Variants in CTNNA1 observed in about 807,000 individuals in gnomAD.
CTNNA1 encodes catenin alpha 1.
Under a neutral mutation model 98.4 loss-of-function variants are expected in CTNNA1, and 37 were observed. That is an observed-to-expected ratio of 0.38 (90% CI 0.29 to 0.49). The LOEUF is 0.49. Among genes scored for constraint, CTNNA1 ranks in the 20% least tolerant of loss-of-function variants. The pLI is 0.95. For missense variants in CTNNA1, 761 were observed against 1,147.2 expected (o/e 0.66, Z 4.86); for synonymous variants, 404 against 413.2 (o/e 0.98, Z 0.27).
intron 9 of CTNNA1, among the ~76,000 whole-genome samples, chr5:138,893,771 G>A (rs1756052086): frequency 6.6e-6 from 1 of 150,804 alleles, no homozygotes; most frequent in South Asian, 2.1e-4. Context: ...TTACAGACAC[G>A]TGCCACCACG....
chr5:138,786,605 C>T (rs535391488), intron 3 of CTNNA1, among the ~76,000 whole-genome samples: 23 of 152,214 alleles, frequency 1.5e-4, no homozygotes, highest in African/African-American at 3.9e-4. Flanking sequence ...AAAATGGGGC[C>T]GTATCCACTC....
At chr5:138,818,066 G>A (rs1721620936) in intron 5 of CTNNA1, among the ~76,000 whole-genome samples, 1 of 151,484 alleles carries the variant, frequency 6.6e-6, no homozygotes, top group African/African-American at 2.4e-5. Flanking sequence ...GTGAGCCACT[G>A]CATCTGGGCC....
intron 7 of CTNNA1, among the ~76,000 whole-genome samples, chr5:138,829,586 C>T (rs1052440411): frequency 5.3e-5 from 8 of 152,156 alleles, no homozygotes; most frequent in South Asian, 4.1e-4. Context: ...CTTGAGGTTT[C>T]GAAACCTAGA....
rs753005486 is a variant in CTNNA1, at chr5:138,904,449, A to G, written c.1389+8A>G. On this transcript the variant is annotated splice_region_variant and intron_variant, in intron 10 of 17. Transcript: ENST00000302763. ...GAAGCCCTCTGTCCTCAGGTAAAGT[A>G]CAACTGACACTGGTGACAGCATAAC... is the stretch of plus-strand genomic sequence containing the variant. 3 of 1,611,998 alleles carry G rather than the reference A, an allele frequency of 1.9e-6. No homozygotes were observed. The highest frequency in any genetic ancestry group is 8.5e-7 in the Non-Finnish European group (1 of 1,179,100).
chr5:138,930,697 TTC>T, intron 15 of CTNNA1, 43 bp downstream of exon 15: 1 of 1,592,688 alleles, frequency 6.3e-7, no homozygotes. Context: ...AGGGGCTACT[TTC>T]TTCCCCACAG....
intron 7 of CTNNA1, among the ~76,000 whole-genome samples, chr5:138,864,256 C>CT (rs1312705071): frequency 6.6e-6 from 1 of 151,928 alleles, no homozygotes; most frequent in Non-Finnish European, 1.5e-5. Flanking sequence ...CTGGCCTTTT[C>CT]TTTTTTTTAG....
chr5:138,907,979 T>TTTC (rs2150163666), intron 10 of CTNNA1, among the ~76,000 whole-genome samples: 1 of 146,060 alleles, frequency 6.8e-6, no homozygotes, highest in African/African-American at 2.7e-5. Context: ...CTTTTTTTTT[T>TTTC]CTTCTTCTTC....
intron 7 of CTNNA1, among the ~76,000 whole-genome samples, chr5:138,846,232 G>A (rs982328020): frequency 2.0e-5 from 3 of 152,168 alleles, no homozygotes; most frequent in East Asian, 1.9e-4. Context: ...GATTACAGGC[G>A]CGAGCCACTG....
chr5:138,808,384 A>G (rs1019377280), intron 3 of CTNNA1, among the ~76,000 whole-genome samples: 10 of 152,208 alleles, frequency 6.6e-5, no homozygotes, highest in African/African-American at 2.4e-4. Flanking sequence ...AGAAGATACT[A>G]GCATTAATGT....
intron 7 of CTNNA1, among the ~76,000 whole-genome samples, chr5:138,843,248 G>A (rs977232753): frequency 6.6e-6 from 1 of 152,180 alleles, no homozygotes; most frequent in Admixed American, 6.5e-5. Flanking sequence ...TTAAAGTTTG[G>A]TAATGGTTAA....
chr5:138,872,170 A>G (rs1750727861), intron 7 of CTNNA1: 1 of 152,632 alleles, frequency 6.6e-6, no homozygotes, highest in African/African-American at 2.4e-5. Flanking sequence ...ATATTAATGT[A>G]AACATAGGAT....
In CTNNA1 at chr5:138,784,075, T is replaced by C. The variant is rs1191328595; in HGVS notation, c.301+703T>C. On this transcript the variant is annotated intron_variant, in intron 3 of 17. Transcript: ENST00000302763. ...AGATAAACTTCTTGAAACCTGCAGT[T>C]TTTATTTTTAGTAGAGATGGGGTTT... 3.9e-5 allele frequency among the ~76,000 whole-genome samples: 6 copies of C among 152,150 alleles called. No homozygotes were observed. The East Asian group carries it at 1.2e-3, about 29-fold the overall frequency.
intron 3 of CTNNA1, among the ~76,000 whole-genome samples, chr5:138,806,243 T>G (rs1758067863): frequency 6.6e-6 from 1 of 152,216 alleles, no homozygotes; most frequent in South Asian, 2.1e-4. Flanking sequence ...TGACCAGTTT[T>G]CTCTTACAAG....
intron 9 of CTNNA1, among the ~76,000 whole-genome samples, chr5:138,901,148 C>T (rs1757941372): frequency 6.6e-6 from 1 of 152,052 alleles, no homozygotes. Context: ...CGCTCCCCTC[C>T]CCTCCCCTCT....
chr5:138,765,965 AAAAAAAG>A (rs1752892766), intron 1 of CTNNA1, among the ~76,000 whole-genome samples: 1 of 151,402 alleles, frequency 6.6e-6, no homozygotes, highest in Admixed American at 6.6e-5. Flanking sequence ...AAAAAAAAAA[AAAAAAAG>A]GCAGTTTATA....
At chr5:138,897,458 G>A (rs1023901315) in intron 9 of CTNNA1, among the ~76,000 whole-genome samples, 2 of 152,028 alleles carry the variant, frequency 1.3e-5, no homozygotes, top group Admixed American at 1.3e-4. Flanking sequence ...TGGTAAAGTG[G>A]CCTTGAAAAA....
chr5:138,782,383 TTG>T (rs1322688448), intron 2 of CTNNA1: 1 of 435,494 alleles, frequency 2.3e-6, no homozygotes, highest in East Asian at 6.9e-5. Flanking sequence ...ACACCTTTCA[TTG>T]TGTGGGATTA....
chr5:138,822,842 A>C (rs1760174817), intron 5 of CTNNA1, among the ~76,000 whole-genome samples: 1 of 152,242 alleles, frequency 6.6e-6, no homozygotes, highest in South Asian at 2.1e-4. Flanking sequence ...ATGCAAACCT[A>C]AATATATACT....
chr5:138,922,915 A>C (rs1353038246), intron 11 of CTNNA1, among the ~76,000 whole-genome samples: 2 of 147,952 alleles, frequency 1.4e-5, no homozygotes, highest in African/African-American at 5.0e-5. Context: ...TGAATTCAAG[A>C]AAGTCTAAAT....
Sources: allele counts gnomAD v4.1 joint callset (sites outside exome capture counted in the v4.1 genomes callset), GRCh38; gene constraint gnomAD v4.1.1; transcripts MANE v1.5; gene names NCBI Gene and HGNC (gene_info 2026-07-23, HGNC 2026-07-21).